The following GRAMD1B variants were observed in gnomAD, a reference collection of about 807,000 sequenced individuals.
GRAMD1B encodes the protein protein Aster-B.
GRAMD1B carries 37 observed loss-of-function variants against 99.7 expected under a neutral mutation model. The observed-to-expected ratio is 0.37, with a 90% CI of 0.29 to 0.49. The LOEUF is 0.49. Among genes scored for constraint, GRAMD1B ranks in the 20% least tolerant of loss-of-function variants. The pLI is 0.98. For missense variants in GRAMD1B, 888 were observed against 1,009.2 expected (o/e 0.88, Z 1.63); for synonymous variants, 427 against 387.6 (o/e 1.10, Z -1.19).
chr11:123,618,297 G>T, intron 17 of GRAMD1B: 2 of 1,581,462 alleles, frequency 1.3e-6, no homozygotes, highest in Non-Finnish European at 1.7e-6. Context: ...ACACTTGCCT[G>T]TTTCTAACCT....
rs555222778 is a variant in GRAMD1B, at chr11:123,613,712, A to G, written c.2227+54A>G. ...GGACTAAGCTTTGGGCTGGAGCTGC[A>G]TGCCCACACCAAGGCACACACATGC... On this transcript the variant is annotated intron_variant, in intron 16 of 19. Transcript: ENST00000635736. 1.8e-4 allele frequency: 245 copies of G among 1,348,216 alleles called. 3 individuals carry two copies. Among genetic ancestry groups the G allele is most frequent in the South Asian group, 1.8e-3 (144 of 81,832 alleles). The allele number at this position is 1,348,216 out of a possible 1,614,324, so 83.5% of individuals were successfully genotyped here. A position where few individuals can be genotyped will look rare whatever the true frequency, so the allele number is the denominator to read the frequency against.
At chr11:123,440,920 G>A (rs927576680) in intron 1 of GRAMD1B, among the ~76,000 whole-genome samples, 1 of 152,200 alleles carries the variant, frequency 6.6e-6, no homozygotes, top group African/African-American at 2.4e-5. Context: ...TCTCAGGATA[G>A]TGAATAAGTC....
chr11:123,596,469 A>T (rs1046994454), intron 7 of GRAMD1B, among the ~76,000 whole-genome samples: 7 of 152,226 alleles, frequency 4.6e-5, no homozygotes, highest in African/African-American at 1.7e-4. Flanking sequence ...TCTCAAGAGG[A>T]TGGGGAGTCT....
intron 2 of GRAMD1B, among the ~76,000 whole-genome samples, chr11:123,561,273 TC>T (rs943771717): frequency 6.6e-6 from 1 of 152,134 alleles, no homozygotes; most frequent in African/African-American, 2.4e-5. Flanking sequence ...CTGGCTTCCC[TC>T]CGCAGTGCCT....
At chr11:123,482,277 T>G (rs1001209558) in intron 2 of GRAMD1B, among the ~76,000 whole-genome samples, 5 of 152,080 alleles carry the variant, frequency 3.3e-5, no homozygotes, top group African/African-American at 1.2e-4. Flanking sequence ...TTTTATATTT[T>G]TAGTAGAGAC....
intron 8 of GRAMD1B, among the ~76,000 whole-genome samples, chr11:123,601,699 T>A (rs1952004030): frequency 6.6e-6 from 1 of 152,262 alleles, no homozygotes; most frequent in Admixed American, 6.5e-5. Context: ...GATAACTTAT[T>A]TGAGCTGTGG....
intron 1 of GRAMD1B, among the ~76,000 whole-genome samples, chr11:123,462,219 G>A (rs1052060625): frequency 6.7e-6 from 1 of 149,170 alleles, no homozygotes; most frequent in Non-Finnish European, 1.5e-5. Flanking sequence ...TGCCCGCCTT[G>A]GCCTCCCAAA....
At chr11:123,373,869 G>A (rs1946609755) in intron 1 of GRAMD1B, among the ~76,000 whole-genome samples, 3 of 152,140 alleles carry the variant, frequency 2.0e-5, no homozygotes, top group Non-Finnish European at 4.4e-5. Context: ...AGCATGTGTG[G>A]TCATTTTGGA....
At chr11:123,521,642 T>A (rs966222134) in intron 2 of GRAMD1B, among the ~76,000 whole-genome samples, 4 of 152,250 alleles carry the variant, frequency 2.6e-5, no homozygotes, top group African/African-American at 9.6e-5. Flanking sequence ...GATTATGATT[T>A]ATCAGAGGAG....
intron 4 of GRAMD1B, among the ~76,000 whole-genome samples, chr11:123,590,357 G>A (rs1021355093): frequency 2.0e-5 from 3 of 152,144 alleles, no homozygotes; most frequent in African/African-American, 7.2e-5. Flanking sequence ...GAAGTCCCTG[G>A]CAACTTGAGT....
At chr11:123,584,493 A>C (rs1052901989) in intron 4 of GRAMD1B, among the ~76,000 whole-genome samples, 161 bp downstream of exon 4, 2 of 19,716 alleles carry the variant, frequency 1.0e-4, no homozygotes, top group Non-Finnish European at 1.9e-4. Flanking sequence ...TTTCTTCAGC[A>C]GGACAGGGCA....
intron 2 of GRAMD1B, among the ~76,000 whole-genome samples, chr11:123,515,460 A>G (rs1482010588): frequency 2.0e-5 from 3 of 152,208 alleles, no homozygotes; most frequent in Non-Finnish European, 4.4e-5. Context: ...TTCAGATTTG[A>G]CTATGTATCC....
chr11:123,387,682 T>A (rs1026900863), intron 1 of GRAMD1B, among the ~76,000 whole-genome samples: 2 of 152,128 alleles, frequency 1.3e-5, no homozygotes, highest in African/African-American at 4.8e-5. Context: ...GCCCTCAGTG[T>A]GCATAGAGAC....
intron 1 of GRAMD1B, among the ~76,000 whole-genome samples, chr11:123,475,007 G>T (rs1297678572): frequency 6.6e-6 from 1 of 152,164 alleles, no homozygotes; most frequent in Non-Finnish European, 1.5e-5. Flanking sequence ...CTGTAGGGTT[G>T]CCTGGAAGAG....
At chr11:123,513,479 G>C (rs1203406201) in intron 2 of GRAMD1B, among the ~76,000 whole-genome samples, 1 of 151,578 alleles carries the variant, frequency 6.6e-6, no homozygotes. Flanking sequence ...CTGAGAGTTA[G>C]TTTCCTTCCT....
intron 1 of GRAMD1B, among the ~76,000 whole-genome samples, chr11:123,477,827 T>G (rs1171848500): frequency 6.7e-6 from 1 of 149,608 alleles, no homozygotes; most frequent in Non-Finnish European, 1.5e-5. Flanking sequence ...CAGGCTGGAG[T>G]GTAGTGGCGC....
intron 2 of GRAMD1B, among the ~76,000 whole-genome samples, chr11:123,526,511 C>G (rs1942768218): frequency 6.6e-6 from 1 of 152,174 alleles, no homozygotes; most frequent in Non-Finnish European, 1.5e-5. Context: ...CATCCCTTCC[C>G]TTTGGCGAGG....
intron 16 of GRAMD1B, among the ~76,000 whole-genome samples, chr11:123,614,529 T>G (rs1954079646): frequency 6.6e-6 from 1 of 152,192 alleles, no homozygotes; most frequent in Non-Finnish European, 1.5e-5. Context: ...ATTTTCTCAT[T>G]TGTTCAATGA....
rs565078965 is a variant in GRAMD1B at position 123,572,461 on chromosome 11, G to A, written c.453-4906G>A. 3.3e-4 allele frequency among the ~76,000 whole-genome samples: 50 copies of A among 152,324 alleles called. No homozygotes were observed. The South Asian group carries it at 9.7e-3, about 30-fold the overall frequency. ...AGGAATTGGTTTTGTTTGCTCAGCA[G>A]GACATCCAAATCCATGGGATAATGG... On this transcript the variant is annotated intron_variant, in intron 2 of 19. Coordinates refer to ENST00000635736, the MANE Select transcript of GRAMD1B (RefSeq NM_001387025.1).
Sources: allele counts gnomAD v4.1 joint callset (sites outside exome capture counted in the v4.1 genomes callset), GRCh38; gene constraint gnomAD v4.1.1; transcripts MANE v1.5; gene names NCBI Gene and HGNC (gene_info 2026-07-23, HGNC 2026-07-21).